Variants in C2CD2 observed in about 807,000 individuals in gnomAD.
C2CD2 encodes C2 calcium dependent domain containing 2.
Under a neutral mutation model 74.3 loss-of-function variants are expected in C2CD2, and 43 were observed. The ratio of observed to expected loss-of-function variants is 0.58; its 90% CI spans 0.45 to 0.75. C2CD2 has a LOEUF of 0.75. Ranked by LOEUF, C2CD2 falls within the 30% of genes least tolerant of loss-of-function variation. C2CD2 has a pLI of 0.00. For missense variants in C2CD2, 801 were observed against 916.3 expected, an observed-to-expected ratio of 0.87 and a Z score of 1.63; for synonymous variants, 422 against 390.7, an observed-to-expected ratio of 1.08 and a Z score of -0.94.
In C2CD2 at chr21:41,926,162, G is replaced by A. The variant is rs763468324; in HGVS notation, c.379-4077C>T. ...ACAGAGCCCAGGTCTGCATCTGCAG[G>A]AGCGAGCTCCCTCGACAACAACCAA... is the stretch of plus-strand genomic sequence containing the variant. On this transcript the variant is annotated intron_variant, in intron 2 of 13. Coordinates refer to ENST00000380486, the MANE Select transcript of C2CD2 (RefSeq NM_015500.2). The surrounding 1 kb of genome is among the most constrained non-coding windows in gnomAD (Gnocchi z 8.0). 3.9e-5 allele frequency among the ~76,000 whole-genome samples: 6 copies of A among 152,212 alleles called. No individual in the cohort carries two copies. Among genetic ancestry groups the A allele is most frequent in the Non-Finnish European group, 7.3e-5 (5 of 68,046 alleles).
In C2CD2 at chr21:41,887,703, C is replaced by T. The variant is rs983245672; in HGVS notation, c.*1421G>A. 6 of 152,120 alleles carry T rather than the reference C, an allele frequency of 3.9e-5. No individual in the cohort carries two copies. Among genetic ancestry groups the T allele is most frequent in the African/African-American group, 1.4e-4 (6 of 41,408 alleles). The allele number at this position is 152,120 out of a possible 1,614,324, so 9.4% of individuals were successfully genotyped here. On this transcript the variant is annotated 3_prime_UTR_variant, in exon 14 of 14. Transcript: ENST00000380486. Reference sequence around the variant, plus strand: ...TTTTTACTCACCAGTGGCTCTATTACCCCCGAAATATTTAATGTTTAAGGA... The same window carrying T: ...TTTTTACTCACCAGTGGCTCTATTATCCCCGAAATATTTAATGTTTAAGGA...
At chr21:41,944,538 A>AAAAG (rs1555906446) in intron 1 of C2CD2, among the ~76,000 whole-genome samples, 18,534 of 127,486 alleles carry the variant, frequency 0.15, 1,366 homozygotes, top group African/African-American at 0.25. Context: ...AAAAAAAAAA[A>AAAAG]AAAAGAAAAG....
rs1289702516 is a variant in C2CD2, at chr21:41,924,870, C to T, written c.379-2785G>A. ...CTTTCGTATCCAGTTCTGCAGAAAG[C>T]TTCCCACCACGCACTCCCTGATACA... is the stretch of plus-strand genomic sequence containing the variant. On this transcript the variant is annotated intron_variant, in intron 2 of 13. Coordinates refer to ENST00000380486, the MANE Select transcript of C2CD2 (RefSeq NM_015500.2). This position sits in a 1 kb window ranked among gnomAD's most constrained non-coding sequence, Gnocchi z 4.4. 1.3e-5 allele frequency among the ~76,000 whole-genome samples: 2 copies of T among 152,112 alleles called. No individual in the cohort carries two copies. The highest frequency in any genetic ancestry group is 2.9e-5 in the Non-Finnish European group (2 of 68,024).
Position 41,899,285 on chromosome 21 carries a change from G to C in C2CD2, c.1638C>G (p.Asp546Glu), listed in dbSNP as rs370739319. 6.2e-7 allele frequency: 1 copy of C among 1,611,650 alleles called. No individual in the cohort carries two copies. Among genetic ancestry groups the C allele is most frequent in the Non-Finnish European group, 8.5e-7 (1 of 1,179,966 alleles). ...TASVDSTHQE[D>E]APSHPERAAA... ...CCGCCCTCTCCGGATGGGATGGGGC[G>C]TCCTCCTGGTGGGTGCTGTCCACAG... The change falls in exon 13 of 14, where the codon GAC becomes GAG. Residue 546 changes from aspartate to glutamate, a missense_variant. Coordinates refer to ENST00000380486, the MANE Select transcript of C2CD2 (RefSeq NM_015500.2). This position sits in a 1 kb window ranked among gnomAD's most constrained non-coding sequence, Gnocchi z 4.4.
In C2CD2 at chr21:41,907,692, C is replaced by T. The variant is rs770959883; in HGVS notation, c.1111G>A (p.Gly371Ser). 7.4e-6 allele frequency: 12 copies of T among 1,612,294 alleles called. No individual in the cohort carries two copies. Among genetic ancestry groups the T allele is most frequent in the Admixed American group, 1.7e-5 (1 of 59,986 alleles). Reference sequence around the variant, plus strand: ...GTGACCGAGCCCAGCACCGAGCTGCCGCAGGCAGACCCGCTGGTCAGCGTG... The same window carrying T: ...GTGACCGAGCCCAGCACCGAGCTGCTGCAGGCAGACCCGCTGGTCAGCGTG... Reference protein sequence around the residue: ...SFTLTSGSACGSSVLGSVTAE... With the variant: ...SFTLTSGSACSSSVLGSVTAE... Residue 371 changes from glycine (G) to serine (S), a missense_variant, in exon 9 of 14, where the codon GGC (glycine) becomes AGC (serine). By Grantham distance (56) the Gly-to-Ser change is moderately conservative. Coordinates refer to ENST00000380486, the MANE Select transcript of C2CD2 (RefSeq NM_015500.2).
intron 3 of C2CD2, among the ~76,000 whole-genome samples, chr21:41,920,232 T>G (rs1390087737): frequency 6.6e-6 from 1 of 152,266 alleles, no homozygotes; most frequent in Non-Finnish European, 1.5e-5. Context: ...CCTGGCCTCC[T>G]TCACGATGGC....
At chr21:41,951,114 G>C (rs1489573315) in intron 1 of C2CD2, among the ~76,000 whole-genome samples, 1 of 152,172 alleles carries the variant, frequency 6.6e-6, no homozygotes, top group Non-Finnish European at 1.5e-5. Flanking sequence ...TGTCACAACA[G>C]CGATGGCCCA....
intron 7 of C2CD2, among the ~76,000 whole-genome samples, chr21:41,910,096 C>T (rs766859827): frequency 7.9e-5 from 12 of 151,828 alleles, no homozygotes; most frequent in South Asian, 2.1e-4. Flanking sequence ...GGCCCCCCAA[C>T]GTGCTGGGAT....
rs553038488 is a variant in C2CD2 at position 41,899,885 on chromosome 21, G to T, written c.1561-523C>A. ...AGAGTCGGGATAGCGCTTCCTTGGA[G>T]GGGGGAAAGTTTGGGGAGGAGGGCA... On this transcript the variant is annotated intron_variant, in intron 12 of 13. Coordinates refer to ENST00000380486, the MANE Select transcript of C2CD2 (RefSeq NM_015500.2). This position sits in a 1 kb window ranked among gnomAD's most constrained non-coding sequence, Gnocchi z 4.4. Among the ~76,000 whole-genome samples the T allele has an allele frequency of 1.4e-4, 22 of 152,012 alleles. No homozygotes were observed. The South Asian group carries it at 3.7e-3, about 26-fold the overall frequency.
At chr21:41,893,373 T>C (rs1347258255) in intron 13 of C2CD2, among the ~76,000 whole-genome samples, 1 of 152,042 alleles carries the variant, frequency 6.6e-6, no homozygotes, top group Non-Finnish European at 1.5e-5. Flanking sequence ...TCTCTCAAAA[T>C]AAAATAAAAT....
intron 10 of C2CD2, 37 bp downstream of exon 10, chr21:41,906,955 T>G: frequency 1.3e-6 from 2 of 1,567,638 alleles, no homozygotes; most frequent in Non-Finnish European, 1.8e-6. Context: ...GCAGGCGTCA[T>G]GCAGAAAGTT....
At chr21:41,917,764 C>T (rs1368677129) in intron 5 of C2CD2, among the ~76,000 whole-genome samples, 2 of 152,202 alleles carry the variant, frequency 1.3e-5, no homozygotes, top group East Asian at 3.8e-4. Context: ...TAAACCATCT[C>T]TGTCTATCCC....
chr21:41,947,813 G>A (rs986976822), intron 1 of C2CD2, among the ~76,000 whole-genome samples: 1 of 152,112 alleles, frequency 6.6e-6, no homozygotes, highest in South Asian at 2.1e-4. Flanking sequence ...TCCCAGGATC[G>A]CACAGCTAGG....
In C2CD2 at chr21:41,923,958, G is replaced by C. The variant is rs79692130; in HGVS notation, c.379-1873C>G. ...CTGGACCACAGGGCAGGCACAAGGG[G>C]GTTCCGTAGGTGGCCAGTGTTTGGC... On this transcript the variant is annotated intron_variant, in intron 2 of 13. Coordinates refer to ENST00000380486, the MANE Select transcript of C2CD2 (RefSeq NM_015500.2). The surrounding 1 kb of genome is among the most constrained non-coding windows in gnomAD (Gnocchi z 5.8). Among the ~76,000 whole-genome samples the C allele has an allele frequency of 6.6e-6, 1 of 152,160 alleles. No homozygotes were observed. The highest frequency in any genetic ancestry group is 1.5e-5 in the Non-Finnish European group (1 of 68,028).
At chr21:41,948,206 G>GC (rs2065417939) in intron 1 of C2CD2, among the ~76,000 whole-genome samples, 1 of 152,230 alleles carries the variant, frequency 6.6e-6, no homozygotes, top group South Asian at 2.1e-4. Flanking sequence ...CCAGATGGGG[G>GC]AATGGGCATC....
intron 7 of C2CD2, among the ~76,000 whole-genome samples, chr21:41,910,355 G>A (rs765745114): frequency 1.3e-5 from 2 of 152,136 alleles, no homozygotes; most frequent in African/African-American, 4.8e-5. Context: ...ATCTTTGCAC[G>A]CCGTGTGATT....
intron 1 of C2CD2, among the ~76,000 whole-genome samples, chr21:41,950,690 A>G (rs2065443104): frequency 6.6e-6 from 1 of 152,258 alleles, no homozygotes; most frequent in Non-Finnish European, 1.5e-5. Flanking sequence ...ACCTTGGCAA[A>G]TTCCTCCAGT....
intron 13 of C2CD2, among the ~76,000 whole-genome samples, chr21:41,898,845 C>T (rs376547133): frequency 7.9e-5 from 12 of 152,186 alleles, no homozygotes; most frequent in Admixed American, 5.2e-4. Context: ...GCAGAGATGA[C>T]GCCAACCCTC....
At chr21:41,913,315 A>G (rs767652603) in intron 6 of C2CD2, among the ~76,000 whole-genome samples, 1 of 152,242 alleles carries the variant, frequency 6.6e-6, no homozygotes. Flanking sequence ...AAAGTCCCCA[A>G]TACACTGTGG....
Sources: allele counts gnomAD v4.1 joint callset (sites outside exome capture counted in the v4.1 genomes callset), GRCh38; gene constraint gnomAD v4.1.1; non-coding constraint Gnocchi (gnomAD v3.1); transcripts MANE v1.5; gene names NCBI Gene and HGNC (gene_info 2026-07-23, HGNC 2026-07-21).